The following CMC2 variants were observed in gnomAD, a reference collection of about 807,000 sequenced individuals.
CMC2 encodes COX assembly mitochondrial protein 2 homolog.
Under a neutral mutation model 7.5 loss-of-function variants are expected in CMC2, and 5 were observed. That is an observed-to-expected ratio of 0.66 (90% CI 0.35 to 1.40). CMC2 has a LOEUF of 1.40. CMC2 is among the 40% of genes most tolerant of loss of function. CMC2 has a pLI of 0.04. For synonymous variants in CMC2, 37 were observed against 31.4 expected (o/e 1.18, Z -0.60); for missense variants, 115 against 92.3 (o/e 1.25, Z -1.01).
At chr16:81,006,532 T>A (rs1969357279) in intron 1 of CMC2, 1 of 193,848 alleles carries the variant, frequency 5.2e-6, no homozygotes. Context: ...GCCACCAGCG[T>A]GTTCCAGCGA....
chr16:80,986,164 C>A (rs1234073355), intron 2 of CMC2, among the ~76,000 whole-genome samples: 1 of 152,124 alleles, frequency 6.6e-6, no homozygotes, highest in Non-Finnish European at 1.5e-5. Flanking sequence ...CCTGGGCTAA[C>A]ATGGTGAAAC....
Position 80,975,811 on chromosome 16 carries a change from T to C in CMC2, c.*282A>G, listed in dbSNP as rs1912249563. 1 of 222,244 alleles carries C rather than the reference T, an allele frequency of 4.5e-6. No individual in the cohort carries two copies. The highest frequency in any genetic ancestry group is 2.3e-5 in the African/African-American group (1 of 43,808). The allele number at this position is 222,244 out of a possible 1,614,324, so 13.8% of individuals were successfully genotyped here. Reference sequence around the variant, plus strand: ...AGAAAGGAGAAAAAAATTATTTAAATTATTTTATTGAAGGAGATAAGTTAC... The same window carrying C: ...AGAAAGGAGAAAAAAATTATTTAAACTATTTTATTGAAGGAGATAAGTTAC... On this transcript the variant is annotated 3_prime_UTR_variant, in exon 4 of 4. Transcript: ENST00000219400.
rs1358505502 is a variant in CMC2 at position 80,968,785 on chromosome 16, A to T, written c.*7308T>A. The T allele has an allele frequency of 1.3e-5, 2 of 152,248 alleles. No homozygotes were observed. The highest frequency in any genetic ancestry group is 4.8e-5 in the African/African-American group (2 of 41,442). The allele number at this position is 152,248 out of a possible 1,614,324, so 9.4% of individuals were successfully genotyped here. ...ATCCTTGGGGGTTGAAATCAGAGAGAACTGTAAACCAGAAAGTAAGTGCAT... is the reference window on the plus strand; with the variant it reads ...ATCCTTGGGGGTTGAAATCAGAGAGTACTGTAAACCAGAAAGTAAGTGCAT... On this transcript the variant is annotated 3_prime_UTR_variant, in exon 4 of 4. Transcript: ENST00000219400.
intron 1 of CMC2, among the ~76,000 whole-genome samples, chr16:80,999,216 G>A (rs1968664005): frequency 6.6e-6 from 1 of 152,158 alleles, no homozygotes; most frequent in Admixed American, 6.5e-5. Flanking sequence ...GACTTGAGTA[G>A]TTTCAGGATA....
At chr16:80,996,647 T>G (rs1968438981) in intron 2 of CMC2, among the ~76,000 whole-genome samples, 1 of 152,230 alleles carries the variant, frequency 6.6e-6, no homozygotes, top group Admixed American at 6.5e-5. Context: ...TATCTACAGT[T>G]TGTAGACATC....
intron 1 of CMC2, among the ~76,000 whole-genome samples, chr16:81,003,119 G>C (rs1343368491): frequency 1.3e-5 from 2 of 152,164 alleles, no homozygotes; most frequent in Non-Finnish European, 2.9e-5. Context: ...TGCATACACA[G>C]ATGTACTGCT....
intron 2 of CMC2, among the ~76,000 whole-genome samples, chr16:80,989,498 G>C (rs1967807536): frequency 6.6e-6 from 1 of 152,124 alleles, no homozygotes; most frequent in African/African-American, 2.4e-5. Context: ...TTTGATAAAT[G>C]TCATACTTTC....
In CMC2 at chr16:80,997,223, G is replaced by T. The variant is rs771599019; in HGVS notation, c.81+91C>A. On this transcript the variant is annotated intron_variant, in intron 2 of 3. Coordinates refer to ENST00000219400, the MANE Select transcript of CMC2 (RefSeq NM_020188.5). ...TCAGACTCCTTACTAAGACATTATC[G>T]TTTCCTTCTATCAACGGAGATAACA... 8 of 789,980 alleles carry T rather than the reference G, an allele frequency of 1.0e-5. No individual in the cohort carries two copies. In the Admixed American group the frequency reaches 1.5e-4, roughly 15 times the overall value. The allele number at this position is 789,980 out of a possible 1,614,324, so 48.9% of individuals were successfully genotyped here.
intron 3 of CMC2, among the ~76,000 whole-genome samples, chr16:80,977,696 CT>C: frequency 6.6e-6 from 1 of 152,290 alleles, no homozygotes; most frequent in Admixed American, 6.5e-5. Context: ...AAGAAGTTTT[CT>C]AGGTCAAAAG....
At chr16:80,977,528 A>C (rs1912553742) in intron 3 of CMC2, among the ~76,000 whole-genome samples, 1 of 152,156 alleles carries the variant, frequency 6.6e-6, no homozygotes, top group South Asian at 2.1e-4. Context: ...ACAGATCTGG[A>C]GAGCGAGGCC....
chr16:81,005,035 T>G (rs1353227919), intron 1 of CMC2, among the ~76,000 whole-genome samples: 1 of 152,230 alleles, frequency 6.6e-6, no homozygotes, highest in Non-Finnish European at 1.5e-5. Context: ...CTAATGCTAC[T>G]GCAAAATAAG....
In CMC2 at chr16:80,985,999, G is replaced by GA. The variant is rs1256375448; in HGVS notation, c.82-4123dup. Among the ~76,000 whole-genome samples the GA allele has an allele frequency of 2.0e-5, 3 of 151,600 alleles. No homozygotes were observed. In the East Asian group the frequency reaches 5.9e-4, roughly 30 times the overall value. ...CAAGGATGAGTTTCATTAAGGACTT[G>GA]AAACACAAGGCAAGACATTTATAAC... On this transcript the variant is annotated intron_variant, in intron 2 of 3. Coordinates refer to ENST00000219400, the MANE Select transcript of CMC2 (RefSeq NM_020188.5).
chr16:80,996,672 G>A (rs1377082927), intron 2 of CMC2, among the ~76,000 whole-genome samples: 1 of 152,090 alleles, frequency 6.6e-6, no homozygotes, highest in Non-Finnish European at 1.5e-5. Flanking sequence ...GAAAAACTAT[G>A]CAAAGCTAAA....
intron 2 of CMC2, among the ~76,000 whole-genome samples, chr16:80,992,871 T>TA (rs1968117577): frequency 6.6e-6 from 1 of 152,152 alleles, no homozygotes; most frequent in African/African-American, 2.4e-5. Flanking sequence ...TTTTTATTTT[T>TA]TGTAGAGACA....
chr16:80,990,629 CA>C (rs1486489148), intron 2 of CMC2, among the ~76,000 whole-genome samples: 1 of 152,162 alleles, frequency 6.6e-6, no homozygotes, highest in African/African-American at 2.4e-5. Context: ...CTTTTTTATA[CA>C]AACGCTAGGA....
At chr16:80,991,242 T>C (rs188654019) in intron 2 of CMC2, among the ~76,000 whole-genome samples, 27 of 152,288 alleles carry the variant, frequency 1.8e-4, no homozygotes, top group African/African-American at 5.5e-4. Context: ...CTCCACCACC[T>C]TGGAGGAACA....
intron 3 of CMC2, among the ~76,000 whole-genome samples, chr16:80,979,534 G>A (rs1966951175): frequency 6.6e-6 from 1 of 151,906 alleles, no homozygotes; most frequent in Admixed American, 6.5e-5. Flanking sequence ...CTGAAAGTAT[G>A]TAAAAAACAA....
intron 1 of CMC2, among the ~76,000 whole-genome samples, chr16:81,002,631 A>G (rs1968951553): frequency 6.6e-6 from 1 of 152,204 alleles, no homozygotes; most frequent in South Asian, 2.1e-4. Context: ...GACTGAGACA[A>G]TATTAATAGA....
chr16:80,994,433 A>C (rs1312193365), intron 2 of CMC2, among the ~76,000 whole-genome samples: 1 of 858 alleles, frequency 1.2e-3, no homozygotes, highest in Non-Finnish European at 2.6e-3. Flanking sequence ...TAAAGGAAGT[A>C]AAAAAAAAAA....
Sources: gnomAD v4.1 joint callset for allele counts (sites outside exome capture counted in the v4.1 genomes callset) on GRCh38, gnomAD v4.1.1 for gene constraint, MANE v1.5 for transcripts, NCBI Gene and HGNC (gene_info 2026-07-23, HGNC 2026-07-21) for gene names.